The following ANKRD62 variants were observed in gnomAD, a reference collection of about 807,000 sequenced individuals.
The protein encoded by ANKRD62 is ankyrin repeat domain-containing protein 62.
A neutral mutation model predicts 98.8 loss-of-function variants in ANKRD62; 61 were observed. That is an observed-to-expected ratio of 0.62 (90% CI 0.50 to 0.76). ANKRD62 has a LOEUF of 0.76. Ranked by LOEUF, ANKRD62 falls within the 30% of genes least tolerant of loss-of-function variation. The probability of loss-of-function intolerance (pLI) is 0.00; values close to 1 mark genes in which losing one functional copy is unlikely to be tolerated. For missense variants in ANKRD62, 933 were observed against 1,082.9 expected, an observed-to-expected ratio of 0.86 and a Z score of 1.94; for synonymous variants, 341 against 367.9, an observed-to-expected ratio of 0.93 and a Z score of 0.84.
chr18:12,109,868 T>C (rs915730276), intron 8 of ANKRD62, among the ~76,000 whole-genome samples: 1 of 151,088 alleles, frequency 6.6e-6, no homozygotes, highest in African/African-American at 2.4e-5. Flanking sequence ...TGTCACTCTG[T>C]CACTCGATAA....
chr18:12,172,975 G>C, the ANKRD62 span, among the ~76,000 whole-genome samples: 1 of 152,216 alleles, frequency 6.6e-6, no homozygotes, highest in Non-Finnish European at 1.5e-5. Context: ...TATTAGGGTG[G>C]GAGTATCCCA....
At position 12,094,151 on chromosome 18, in the gene ANKRD62, C is replaced by G; in HGVS notation, c.134C>G (p.Ala45Gly). The change falls in exon 1 of 14, where the codon GCT (alanine) becomes GGT (glycine). Residue 45 changes from alanine to glycine, a missense_variant. By Grantham distance (60) the Ala-to-Gly change is moderately conservative (BLOSUM62 0). Coordinates refer to ENST00000587848, the MANE Select transcript of ANKRD62 (RefSeq NM_001277333.2). Reference sequence around the variant, plus strand: ...AAGGATCTGGGCATGATCCACAAAGCTGCCATCGCAGGTGATGTGAACAAG... The same window carrying G: ...AAGGATCTGGGCATGATCCACAAAGGTGCCATCGCAGGTGATGTGAACAAG... ...RQKDLGMIHK[A>G]AIAGDVNKVM... 6.5e-7 allele frequency: 1 copy of G among 1,533,338 alleles called. No homozygotes were observed. The highest frequency in any genetic ancestry group is 8.7e-7 in the Non-Finnish European group (1 of 1,146,442). 95.0% of individuals were successfully genotyped at this position (1,533,338 alleles called of 1,614,324 possible).
At chr18:12,146,161 C>A in the ANKRD62 span, among the ~76,000 whole-genome samples, 1 of 151,936 alleles carries the variant, frequency 6.6e-6, no homozygotes, top group Non-Finnish European at 1.5e-5. Flanking sequence ...GAAAACATGG[C>A]CAGGCTTCTT....
the ANKRD62 span, among the ~76,000 whole-genome samples, chr18:12,139,672 G>A: frequency 6.6e-6 from 1 of 151,888 alleles, no homozygotes; most frequent in Non-Finnish European, 1.5e-5. Flanking sequence ...TTGAGTATTG[G>A]CCCCCACTCT....
intron 6 of ANKRD62, chr18:12,102,427 T>C: frequency 2.0e-6 from 1 of 497,300 alleles, no homozygotes; most frequent in Non-Finnish European, 3.8e-6. Context: ...GAGCTCAGCC[T>C]CCTTGGGCAC....
downstream of ANKRD62, among the ~76,000 whole-genome samples, chr18:12,130,948 C>G (rs2143939821): frequency 6.6e-6 from 1 of 152,264 alleles, no homozygotes; most frequent in East Asian, 1.9e-4. Context: ...CCTCAGCCTC[C>G]CAAAGTGCTG....
chr18:12,102,223 A>T (rs1909315186), intron 6 of ANKRD62: 1 of 789,814 alleles, frequency 1.3e-6, no homozygotes, highest in Non-Finnish European at 2.3e-6. Context: ...GGATTCAAAT[A>T]AGCAGCTGGA....
the ANKRD62 span, among the ~76,000 whole-genome samples, chr18:12,161,385 G>A: frequency 1.3e-5 from 2 of 151,928 alleles, no homozygotes; most frequent in African/African-American, 4.8e-5. Flanking sequence ...TTCCTTAACA[G>A]TTCTTTTTCT....
intron 8 of ANKRD62, among the ~76,000 whole-genome samples, chr18:12,108,464 C>T (rs565913500): frequency 6.6e-6 from 1 of 152,262 alleles, no homozygotes; most frequent in South Asian, 2.1e-4. Flanking sequence ...AAACAGCCTC[C>T]ATGATCAAGT....
chr18:12,173,475 G>A, the ANKRD62 span, among the ~76,000 whole-genome samples: 1 of 152,182 alleles, frequency 6.6e-6, no homozygotes, highest in Admixed American at 6.5e-5. Context: ...TTTAAGTAGG[G>A]CATTTAGCCC....
intron 13 of ANKRD62, among the ~76,000 whole-genome samples, chr18:12,127,074 A>C (rs1909907315): frequency 6.6e-6 from 1 of 152,196 alleles, no homozygotes; most frequent in Non-Finnish European, 1.5e-5. Context: ...TCAATTTTTC[A>C]GTCAAAAATG....
intron 8 of ANKRD62, among the ~76,000 whole-genome samples, chr18:12,114,469 A>G (rs183730711): frequency 6.4e-4 from 98 of 152,360 alleles, no homozygotes; most frequent in African/African-American, 2.3e-3. Flanking sequence ...TTGGGTTTGA[A>G]TGCTTAGTCT....
At chr18:12,109,733 C>T (rs1207352059) in intron 8 of ANKRD62, among the ~76,000 whole-genome samples, 4 of 152,006 alleles carry the variant, frequency 2.6e-5, no homozygotes, top group African/African-American at 9.7e-5. Context: ...GACCTTTGAT[C>T]TACCAAGCCA....
Position 12,115,093 on chromosome 18 carries a change from C to G in ANKRD62, c.1070C>G (p.Ala357Gly). The change falls in exon 9 of 14, where the codon GCA (alanine) becomes GGA (glycine). Residue 357 changes from alanine (A) to glycine (G), a missense_variant. Ala to Gly is a moderately conservative substitution (Grantham distance 60). Transcript: ENST00000587848. ...GKENGEFDRL[A>G]RKTSNEKSKV... The stretch of plus-strand genomic sequence containing the variant: ...TTTTTTGGTTTTTTTTTTAGGCTTG[C>G]AAGGAAAACCTCTAATGAAAAGAGC... 2 of 1,386,360 alleles carry G rather than the reference C, an allele frequency of 1.4e-6. No individual in the cohort carries two copies. Among genetic ancestry groups the G allele is most frequent in the Non-Finnish European group, 1.9e-6 (2 of 1,076,308 alleles). The allele number at this position is 1,386,360 out of a possible 1,614,324, so 85.9% of individuals were successfully genotyped here.
the ANKRD62 span, among the ~76,000 whole-genome samples, chr18:12,154,275 AG>A: frequency 6.6e-6 from 1 of 152,260 alleles, no homozygotes; most frequent in South Asian, 2.1e-4. Flanking sequence ...CCCATTAAAA[AG>A]TTGGCAAAGG....
At chr18:12,122,191 A>G in intron 10 of ANKRD62, 112 bp from the exon 11 acceptor site, 1 of 713,342 alleles carries the variant, frequency 1.4e-6, no homozygotes, top group South Asian at 2.3e-5. Flanking sequence ...AGCACTTAAT[A>G]TGTACATATT....
At chr18:12,109,286 G>C (rs911673086) in intron 8 of ANKRD62, among the ~76,000 whole-genome samples, 1 of 152,170 alleles carries the variant, frequency 6.6e-6, no homozygotes, top group African/African-American at 2.4e-5. Flanking sequence ...CACCTCTTGT[G>C]TTCTGTGCAC....
rs1568066518 is a variant in ANKRD62 at position 12,126,240 on chromosome 18, A to G, written c.2419A>G (p.Ile807Val). 12 of 1,536,058 alleles carry G rather than the reference A, an allele frequency of 7.8e-6. No individual in the cohort carries two copies. The highest frequency in any genetic ancestry group is 1.0e-5 in the Non-Finnish European group (12 of 1,146,818). Residue 807 changes from isoleucine to valine, a missense_variant, in exon 13 of 14, where the codon ATC (isoleucine) becomes GTC (valine). By Grantham distance (29) the Ile-to-Val change is conservative. This residue lies in a region of ANKRD62 where 362 missense variants were observed against 434.5 expected (regional missense o/e 0.83). Transcript: ENST00000587848. Reference sequence around the variant, plus strand: ...CAATCAGGAGAAAACAATAATTAATATCCAAGTCAAATGTGAAGATACTGT... The same window carrying G: ...CAATCAGGAGAAAACAATAATTAATGTCCAAGTCAAATGTGAAGATACTGT... ...ADNQEKTIIN[I>V]QVKCEDTVEK...
chr18:12,131,449 A>G (rs1910002028), downstream of ANKRD62, among the ~76,000 whole-genome samples: 1 of 152,246 alleles, frequency 6.6e-6, no homozygotes, highest in African/African-American at 2.4e-5. Flanking sequence ...AATGAAAAGT[A>G]TACTTATGCC....
Sources: gnomAD v4.1 joint callset for allele counts (sites outside exome capture counted in the v4.1 genomes callset) on GRCh38, gnomAD v4.1.1 for gene constraint, gnomAD v4.1.1 regional missense constraint, MANE v1.5 for transcripts, NCBI Gene and HGNC (gene_info 2026-07-23, HGNC 2026-07-21) for gene names.